The following MNAT1 variants were observed in gnomAD, a reference collection of about 807,000 sequenced individuals.
MNAT1 encodes the protein CDK-activating kinase assembly factor MAT1.
Under a neutral mutation model 42.0 loss-of-function variants are expected in MNAT1, and 43 were observed. The observed-to-expected ratio is 1.02, with a 90% CI of 0.80 to 1.32. The LOEUF is 1.32. Among genes scored for constraint, MNAT1 ranks in the 40% most tolerant of loss-of-function variants. The pLI is 0.00. For synonymous variants in MNAT1, 118 were observed against 120.0 expected, an observed-to-expected ratio of 0.98 and a Z score of 0.11; for missense variants, 306 against 350.4, an observed-to-expected ratio of 0.87 and a Z score of 1.01.
At chr14:60,925,151 A>G (rs770209923) in intron 7 of MNAT1, among the ~76,000 whole-genome samples, 4 of 152,212 alleles carry the variant, frequency 2.6e-5, no homozygotes, top group African/African-American at 4.8e-5. Flanking sequence ...TATTCCCTAA[A>G]CAATACACGA....
At chr14:60,817,310 G>A (rs949576001) in intron 5 of MNAT1, among the ~76,000 whole-genome samples, 3 of 151,760 alleles carry the variant, frequency 2.0e-5, no homozygotes, top group Non-Finnish European at 4.4e-5. Flanking sequence ...CATTACTAAT[G>A]CTTTGGTGTA....
chr14:60,794,003 A>G (rs1213059317), intron 1 of MNAT1, among the ~76,000 whole-genome samples: 1 of 152,198 alleles, frequency 6.6e-6, no homozygotes, highest in East Asian at 1.9e-4. Context: ...TGGAAACAAT[A>G]TATTATGTCT....
chr14:60,936,277 G>A (rs1488855782), intron 7 of MNAT1, among the ~76,000 whole-genome samples: 9 of 152,090 alleles, frequency 5.9e-5, no homozygotes, highest in African/African-American at 2.2e-4. Context: ...TGTGCACAAC[G>A]TGCAGGTTTG....
chr14:60,838,235 A>G (rs989596191), intron 6 of MNAT1, among the ~76,000 whole-genome samples: 4 of 151,972 alleles, frequency 2.6e-5, no homozygotes, highest in African/African-American at 9.7e-5. Flanking sequence ...TCCTGGGCTC[A>G]AGCAGTTACC....
intron 7 of MNAT1, among the ~76,000 whole-genome samples, chr14:60,905,694 G>A (rs994887560): frequency 1.3e-5 from 2 of 152,202 alleles, no homozygotes; most frequent in Non-Finnish European, 2.9e-5. Context: ...AGAACCTTGA[G>A]TTATGATGTC....
At chr14:60,735,969 A>C (rs2140279226) in intron 1 of MNAT1, among the ~76,000 whole-genome samples, 1 of 152,338 alleles carries the variant, frequency 6.6e-6, no homozygotes, top group East Asian at 1.9e-4. Flanking sequence ...TGCTGACAAA[A>C]ATGTAGAGCA....
rs1594784043 is a variant in MNAT1 at position 60,829,214 on chromosome 14, G to A, written c.687+10367G>A. On this transcript the variant is annotated intron_variant, in intron 6 of 7. Coordinates refer to ENST00000261245, the MANE Select transcript of MNAT1 (RefSeq NM_002431.4). ...CCAGGACCACCCAGCCATCTTATTA[G>A]CATACAAAAAGACACCATTTTGGAG... Among the ~76,000 whole-genome samples, 3 of 152,084 alleles carry A rather than the reference G, an allele frequency of 2.0e-5. No homozygotes were observed. The South Asian group carries it at 6.2e-4, about 31-fold the overall frequency.
At chr14:60,912,483 T>A (rs2035394032) in intron 7 of MNAT1, among the ~76,000 whole-genome samples, 1 of 152,222 alleles carries the variant, frequency 6.6e-6, no homozygotes, top group South Asian at 2.1e-4. Context: ...CCATGTTTAG[T>A]GCTTCCTTCA....
At chr14:60,915,031 A>G (rs1043195483) in intron 7 of MNAT1, among the ~76,000 whole-genome samples, 1 of 152,156 alleles carries the variant, frequency 6.6e-6, no homozygotes, top group East Asian at 1.9e-4. Flanking sequence ...GATTGATTCT[A>G]TGTAGGTTTG....
chr14:60,915,784 T>C (rs934273422), intron 7 of MNAT1, among the ~76,000 whole-genome samples: 1 of 152,242 alleles, frequency 6.6e-6, no homozygotes, highest in Non-Finnish European at 1.5e-5. Flanking sequence ...CAAAGAATGG[T>C]TAGCTGTCTT....
At chr14:60,943,546 C>T (rs1397546551) in intron 7 of MNAT1, among the ~76,000 whole-genome samples, 3 of 151,834 alleles carry the variant, frequency 2.0e-5, no homozygotes, top group African/African-American at 7.2e-5. Context: ...CATATCATCT[C>T]GTTAGAGTCA....
chr14:60,809,640 T>C (rs2032483545), intron 4 of MNAT1, among the ~76,000 whole-genome samples: 1 of 152,164 alleles, frequency 6.6e-6, no homozygotes, highest in African/African-American at 2.4e-5. Flanking sequence ...TTTTAATTCT[T>C]TATTTTGTTA....
At chr14:60,782,287 CTTTATCATTTAAGAA>C (rs954391873) in intron 1 of MNAT1, among the ~76,000 whole-genome samples, 1 of 151,948 alleles carries the variant, frequency 6.6e-6, no homozygotes, top group African/African-American at 2.4e-5. Flanking sequence ...GAAGTTCATT[CTTTATCATTTAAGAA>C]TACTGTGGTA....
intron 7 of MNAT1, among the ~76,000 whole-genome samples, chr14:60,898,669 A>T (rs559570144): frequency 6.6e-6 from 1 of 152,220 alleles, no homozygotes; most frequent in East Asian, 1.9e-4. Flanking sequence ...TCCTTGTAAG[A>T]TGAATAGTTT....
At chr14:60,834,889 C>G (rs1355564757) in intron 6 of MNAT1, among the ~76,000 whole-genome samples, 1 of 151,520 alleles carries the variant, frequency 6.6e-6, no homozygotes, top group Non-Finnish European at 1.5e-5. Context: ...GTTAGCTCTT[C>G]TTGTTGCATT....
intron 6 of MNAT1, 99 bp downstream of exon 6, chr14:60,818,946 T>G: frequency 7.4e-7 from 1 of 1,349,528 alleles, no homozygotes; most frequent in Non-Finnish European, 1.0e-6. Context: ...TGTTCAGATG[T>G]TTAAGAACAG....
At chr14:60,856,714 C>T (rs2033967439) in intron 6 of MNAT1, among the ~76,000 whole-genome samples, 1 of 149,680 alleles carries the variant, frequency 6.7e-6, no homozygotes, top group African/African-American at 2.5e-5. Context: ...TGGAGTCTCA[C>T]TCTGTCACCA....
chr14:60,868,820 GA>G (rs1191650130), intron 6 of MNAT1, among the ~76,000 whole-genome samples: 4 of 151,548 alleles, frequency 2.6e-5, no homozygotes, highest in African/African-American at 9.7e-5. Flanking sequence ...TAAGTGAAAA[GA>G]AAAAAATAAT....
At chr14:60,907,303 C>G (rs1374696543) in intron 7 of MNAT1, among the ~76,000 whole-genome samples, 1 of 151,670 alleles carries the variant, frequency 6.6e-6, no homozygotes, top group African/African-American at 2.4e-5. Context: ...TGTGGTGGCA[C>G]GCGCCTGTAG....
Sources: allele counts gnomAD v4.1 joint callset (sites outside exome capture counted in the v4.1 genomes callset), GRCh38; gene constraint gnomAD v4.1.1; transcripts MANE v1.5; gene names NCBI Gene and HGNC (gene_info 2026-07-23, HGNC 2026-07-21).